The following COL22A1 variants were observed in gnomAD, a reference collection of about 807,000 sequenced individuals.
COL22A1 encodes collagen alpha-1(XXII) chain.
In COL22A1, 221 loss-of-function variants were observed where a neutral mutation model predicts 248.9. The ratio of observed to expected loss-of-function variants is 0.89; its 90% CI spans 0.80 to 0.99. The LOEUF (loss-of-function observed/expected upper bound fraction) is 0.99, where lower values mean the gene tolerates loss of function less well. Among genes scored for constraint, COL22A1 ranks in the 50% least tolerant of loss-of-function variants. The probability of loss-of-function intolerance (pLI) is 0.00; values close to 1 mark genes in which losing one functional copy is unlikely to be tolerated. For synonymous variants in COL22A1, 891 were observed against 793.4 expected, an observed-to-expected ratio of 1.12 and a Z score of -2.07; for missense variants, 2,240 against 2,179.0, an observed-to-expected ratio of 1.03 and a Z score of -0.56.
At chr8:138,781,049 A>G (rs1243428248) in intron 12 of COL22A1, 69 bp from the exon 13 acceptor site, 1 of 1,127,596 alleles carries the variant, frequency 8.9e-7, no homozygotes, top group African/African-American at 1.6e-5. Flanking sequence ...ATGCTAGTGC[A>G]GTGGAGAACG....
intron 57 of COL22A1, among the ~76,000 whole-genome samples, chr8:138,607,425 T>G (rs1818507621): frequency 6.6e-6 from 1 of 152,134 alleles, no homozygotes. Flanking sequence ...CCCCAAATCC[T>G]GTATTTGATA....
intron 17 of COL22A1, 53 bp from the exon 18 acceptor site, chr8:138,760,340 T>G (rs1586672686): frequency 3.3e-6 from 5 of 1,513,446 alleles, no homozygotes; most frequent in Admixed American, 2.0e-5. Context: ...GATACGGTGG[T>G]GGGGTGTTGG....
chr8:138,764,488 C>T (rs1380609659), intron 16 of COL22A1, among the ~76,000 whole-genome samples: 1 of 152,252 alleles, frequency 6.6e-6, no homozygotes, highest in Non-Finnish European at 1.5e-5. Context: ...ATTCCCCATA[C>T]CCACTGATGT....
chr8:138,647,519 C>T (rs759498332), intron 46 of COL22A1, among the ~76,000 whole-genome samples: 5 of 152,112 alleles, frequency 3.3e-5, no homozygotes, highest in African/African-American at 1.2e-4. Flanking sequence ...TTTGTGTGTG[C>T]GTGTTTGTGC....
chr8:138,599,715 ACT>A (rs1817847076), intron 60 of COL22A1, among the ~76,000 whole-genome samples: 1 of 152,070 alleles, frequency 6.6e-6, no homozygotes, highest in Non-Finnish European at 1.5e-5. Context: ...ACAGAGTGAG[ACT>A]CTGTTTTTTA....
At chr8:138,631,886 A>G (rs987409414) in intron 49 of COL22A1, among the ~76,000 whole-genome samples, 1 of 152,156 alleles carries the variant, frequency 6.6e-6, no homozygotes, top group African/African-American at 2.4e-5. Context: ...TTGATTTCTC[A>G]TTTATTTAGT....
At chr8:138,861,756 A>G (rs1339575381) in intron 3 of COL22A1, among the ~76,000 whole-genome samples, 1 of 152,216 alleles carries the variant, frequency 6.6e-6, no homozygotes, top group African/African-American at 2.4e-5. Flanking sequence ...AAGTGAACTT[A>G]AAGCACAGTA....
intron 46 of COL22A1, 107 bp downstream of exon 46, chr8:138,649,558 C>A: frequency 6.6e-7 from 1 of 1,512,036 alleles, no homozygotes; most frequent in Non-Finnish European, 8.8e-7. Context: ...GAATCTTGAA[C>A]CCCTCAAACC....
At chr8:138,780,823 T>C in intron 13 of COL22A1, 104 bp downstream of exon 13, 2 of 925,482 alleles carry the variant, frequency 2.2e-6, no homozygotes, top group Non-Finnish European at 3.6e-6. Context: ...CCCACTCAAG[T>C]CTGGCCCTGG....
intron 16 of COL22A1, among the ~76,000 whole-genome samples, chr8:138,762,834 T>C (rs1256544589): frequency 6.6e-6 from 1 of 152,216 alleles, no homozygotes; most frequent in Non-Finnish European, 1.5e-5. Flanking sequence ...AGGTGTATTT[T>C]ATGCATCATT....
intron 23 of COL22A1, among the ~76,000 whole-genome samples, chr8:138,735,734 T>C (rs1161500797): frequency 2.0e-5 from 3 of 152,228 alleles, no homozygotes; most frequent in South Asian, 2.1e-4. Flanking sequence ...TATTCCCTGC[T>C]GCATCCTGAC....
At chr8:138,661,893 A>G (rs1823998366) in intron 43 of COL22A1, 137 bp downstream of exon 43, 2 of 560,060 alleles carry the variant, frequency 3.6e-6, no homozygotes, top group Non-Finnish European at 6.4e-6. Flanking sequence ...AAGCATGTCC[A>G]TGGGGCTTCC....
rs267601792 is a variant in COL22A1 at position 138,755,494 on chromosome 8, C to T, written c.1965G>A (p.Leu655=). ...VPGSVVQQEG[L]KGEQGAPGPR... is the part of the protein sequence containing the mutation. ...GTGTGCCTCTTACCTGTTCCCCTTT[C>T]AAGCCCTCTTGCTGCACCTGAGAGA... Residue 655 remains leucine (L), a synonymous_variant, in exon 20 of 65, where the codon TTG becomes TTA. Transcript: ENST00000303045. 3.7e-6 allele frequency: 6 copies of T among 1,614,162 alleles called. No individual in the cohort carries two copies. Among genetic ancestry groups the T allele is most frequent in the African/African-American group, 1.3e-5 (1 of 75,058 alleles).
chr8:138,806,113 T>A (rs1386292824), intron 10 of COL22A1, among the ~76,000 whole-genome samples: 23 of 123,992 alleles, frequency 1.9e-4, no homozygotes, highest in East Asian at 4.2e-4. Context: ...TGTTTGTGTG[T>A]GATGGTGTAG....
intron 39 of COL22A1, among the ~76,000 whole-genome samples, chr8:138,681,791 C>T (rs371551332): frequency 5.9e-5 from 9 of 152,264 alleles, no homozygotes; most frequent in South Asian, 2.1e-4. Flanking sequence ...TATATGATCC[C>T]GCAGTCAGGG....
chr8:138,894,178 G>T (rs1477201285), intron 1 of COL22A1, among the ~76,000 whole-genome samples: 5 of 152,236 alleles, frequency 3.3e-5, no homozygotes, highest in Non-Finnish European at 7.3e-5. Flanking sequence ...AGAGACTTGT[G>T]CAGTGACCCA....
rs188739172 is a variant in COL22A1, at chr8:138,821,806, G to C, written c.970-395C>G. On this transcript the variant is annotated intron_variant, in intron 6 of 64. Transcript: ENST00000303045. ...TGAGACCAGCCAGAAATCCCAACTA[G>C]TTTCAGTGTCTTTTAAAATCGTGGG... 5.7e-3 allele frequency among the ~76,000 whole-genome samples: 873 copies of C among 152,234 alleles called. 10 individuals carry two copies. Among genetic ancestry groups the C allele is most frequent in the Non-Finnish European group, 8.0e-3 (546 of 68,018 alleles).
intron 29 of COL22A1, 42 bp from the exon 30 acceptor site, chr8:138,715,777 C>A (rs777488592): frequency 7.0e-7 from 1 of 1,424,426 alleles, no homozygotes; most frequent in East Asian, 2.3e-5. Context: ...GAACCCAAAC[C>A]GAGCTGAATT....
chr8:138,792,564 A>C (rs1188398375), intron 12 of COL22A1, among the ~76,000 whole-genome samples: 2 of 152,226 alleles, frequency 1.3e-5, no homozygotes, highest in Non-Finnish European at 1.5e-5. Flanking sequence ...CTTCTAAGTG[A>C]AAGTACTGAG....
Sources: gnomAD v4.1 joint callset for allele counts (sites outside exome capture counted in the v4.1 genomes callset) on GRCh38, gnomAD v4.1.1 for gene constraint, MANE v1.5 for transcripts, NCBI Gene and HGNC (gene_info 2026-07-23, HGNC 2026-07-21) for gene names.